The following RALYL variants were observed in gnomAD, a reference collection of about 807,000 sequenced individuals.
The protein encoded by RALYL is RALY RNA binding protein like, also known as RNA-binding Raly-like protein.
In RALYL, 29 loss-of-function variants were observed where a neutral mutation model predicts 35.1. The ratio of observed to expected loss-of-function variants is 0.83; its 90% CI spans 0.61 to 1.13. The LOEUF (loss-of-function observed/expected upper bound fraction) is 1.13. RALYL is among the 50% of genes most tolerant of loss of function. RALYL has a pLI of 0.00. For missense variants in RALYL, 359 were observed against 360.4 expected, an observed-to-expected ratio of 1.00 and a Z score of 0.03; for synonymous variants, 120 against 127.6, an observed-to-expected ratio of 0.94 and a Z score of 0.40.
At chr8:84,399,065 A>G (rs2042630827) in intron 1 of RALYL, among the ~76,000 whole-genome samples, 1 of 152,128 alleles carries the variant, frequency 6.6e-6, no homozygotes, top group Non-Finnish European at 1.5e-5. Context: ...AGTTTCTATT[A>G]AAGTTGCCTA....
chr8:84,328,636 T>C (rs73293009), intron 1 of RALYL, among the ~76,000 whole-genome samples: 7,230 of 152,248 alleles, frequency 0.047, 267 homozygotes, highest in African/African-American at 0.083. Flanking sequence ...CTTTTAGACT[T>C]GGGGGTACAT....
chr8:84,782,233 A>G (rs1818356590), intron 3 of RALYL, among the ~76,000 whole-genome samples: 2 of 152,208 alleles, frequency 1.3e-5, no homozygotes, highest in Admixed American at 6.5e-5. Context: ...TAGGCCTTCA[A>G]ATTACCACAC....
intron 1 of RALYL, among the ~76,000 whole-genome samples, chr8:84,279,793 C>T (rs1052708064): frequency 2.6e-5 from 4 of 152,130 alleles, no homozygotes; most frequent in African/African-American, 9.7e-5. Flanking sequence ...TCTTGCCTCC[C>T]TCTTACAGGG....
intron 2 of RALYL, among the ~76,000 whole-genome samples, chr8:84,723,994 G>A (rs1844477268): frequency 6.6e-6 from 1 of 151,588 alleles, no homozygotes; most frequent in Non-Finnish European, 1.5e-5. Context: ...TCTGTACCTG[G>A]TTCATAGTAG....
chr8:84,663,373 G>T (rs1308827995), intron 2 of RALYL, among the ~76,000 whole-genome samples: 2 of 151,798 alleles, frequency 1.3e-5, no homozygotes, highest in African/African-American at 4.8e-5. Flanking sequence ...TGGAGGGAAT[G>T]CTGCCTCTAG....
At chr8:84,313,544 T>C (rs146404210) in intron 1 of RALYL, among the ~76,000 whole-genome samples, 48 of 152,338 alleles carry the variant, frequency 3.2e-4, no homozygotes, top group African/African-American at 1.2e-3. Flanking sequence ...AGATCACTTC[T>C]TGAATACTTT....
intron 1 of RALYL, among the ~76,000 whole-genome samples, chr8:84,206,767 A>G (rs751897068): frequency 1.3e-5 from 2 of 152,212 alleles, no homozygotes; most frequent in South Asian, 2.1e-4. Flanking sequence ...CATGCTGAAC[A>G]TGAGTGAGTC....
At chr8:84,388,785 T>C (rs908553501) in intron 1 of RALYL, among the ~76,000 whole-genome samples, 2 of 152,170 alleles carry the variant, frequency 1.3e-5, no homozygotes, top group African/African-American at 2.4e-5. Context: ...TCTCCCATTT[T>C]GTGGGTTGCC....
At chr8:84,532,406 T>G (rs1409693280) in intron 2 of RALYL, among the ~76,000 whole-genome samples, 2 of 152,146 alleles carry the variant, frequency 1.3e-5, no homozygotes, top group East Asian at 1.9e-4. Context: ...TGAGCAAAAC[T>G]TAGGTTCAAG....
intron 2 of RALYL, among the ~76,000 whole-genome samples, chr8:84,753,405 C>A (rs1014394964): frequency 6.6e-6 from 1 of 152,064 alleles, no homozygotes; most frequent in Non-Finnish European, 1.5e-5. Context: ...TGGGTTAAGA[C>A]TTTGGGAGAC....
At chr8:84,184,986 C>T in intron 1 of RALYL, 4 of 1,613,924 alleles carry the variant, frequency 2.5e-6, no homozygotes, top group Non-Finnish European at 3.4e-6. Context: ...AACTCCTGCT[C>T]CTCCTCTTCG....
chr8:84,642,922 T>C (rs536168991), intron 2 of RALYL, among the ~76,000 whole-genome samples: 1 of 152,042 alleles, frequency 6.6e-6, no homozygotes, highest in East Asian at 2.0e-4. Flanking sequence ...ATGGGGTGAA[T>C]CCCTCTCATC....
chr8:84,592,439 T>C (rs953816277), intron 2 of RALYL, among the ~76,000 whole-genome samples: 1 of 152,164 alleles, frequency 6.6e-6, no homozygotes, highest in African/African-American at 2.4e-5. Context: ...ACTTGTAGAT[T>C]GATACAGATC....
chr8:84,916,828 G>A (rs936390220), intron 8 of RALYL, among the ~76,000 whole-genome samples: 4 of 151,832 alleles, frequency 2.6e-5, no homozygotes, highest in South Asian at 4.1e-4. Context: ...TCTTTATACT[G>A]TGTCTATAAA....
rs553517341 is a variant in RALYL, at chr8:84,389,653, C to T, written c.-23-139646C>T. Reference sequence around the variant, plus strand: ...GATTTGGCTCTCTGTTTGTGTGTTACTGGTGTATAAGAATGCTTGTGATTT... The same window carrying T: ...GATTTGGCTCTCTGTTTGTGTGTTATTGGTGTATAAGAATGCTTGTGATTT... On this transcript the variant is annotated intron_variant, in intron 1 of 8. Transcript: ENST00000521268. Among the ~76,000 whole-genome samples, 1,127 of 146,508 alleles carry T rather than the reference C, an allele frequency of 7.7e-3. 18 individuals are homozygous for T. The highest frequency in any genetic ancestry group is 0.028 in the African/African-American group (1,021 of 36,576).
chr8:84,699,087 T>C (rs978989508), intron 2 of RALYL, among the ~76,000 whole-genome samples: 2 of 152,168 alleles, frequency 1.3e-5, no homozygotes, highest in East Asian at 3.9e-4. Context: ...AATAGATAGA[T>C]AGTAGATAGA....
intron 2 of RALYL, among the ~76,000 whole-genome samples, chr8:84,681,750 G>C (rs555515784): frequency 6.6e-6 from 1 of 152,254 alleles, no homozygotes; most frequent in Admixed American, 6.5e-5. Flanking sequence ...CTGAGACAAT[G>C]GGGTTTTCTA....
At position 84,237,069 on chromosome 8, in the gene RALYL, CT is replaced by C. The variant is rs1826752045; in HGVS notation, c.-24+52649del. 2.0e-5 allele frequency among the ~76,000 whole-genome samples: 3 copies of C among 152,136 alleles called. No homozygotes were observed. The South Asian group carries it at 6.2e-4, about 32-fold the overall frequency. ...ATCAACAAGGAGAGTAAATAAAACT[CT>C]TTTCAAGCAAGCTTACAGAATAACT... On this transcript the variant is annotated intron_variant, in intron 1 of 8. Coordinates refer to ENST00000521268, the MANE Select transcript of RALYL (RefSeq NM_173848.7).
At chr8:84,682,683 G>A (rs1047555651) in intron 2 of RALYL, among the ~76,000 whole-genome samples, 6 of 151,948 alleles carry the variant, frequency 3.9e-5, no homozygotes, top group South Asian at 2.1e-4. Flanking sequence ...GATCAGTGGT[G>A]ATATCCCCTT....
Sources: gnomAD v4.1 joint callset for allele counts (sites outside exome capture counted in the v4.1 genomes callset) on GRCh38, gnomAD v4.1.1 for gene constraint, MANE v1.5 for transcripts, NCBI Gene and HGNC (gene_info 2026-07-23, HGNC 2026-07-21) for gene names.